Variants in LCLAT1 observed in about 807,000 individuals in gnomAD.
LCLAT1 encodes the protein lysocardiolipin acyltransferase 1, also known as 1-AGP acyltransferase 8.
LCLAT1 carries 11 observed loss-of-function variants against 30.7 expected under a neutral mutation model. The observed-to-expected ratio is 0.36, with a 90% CI of 0.23 to 0.59. The LOEUF is 0.59. Ranked by LOEUF, LCLAT1 falls within the 20% of genes least tolerant of loss-of-function variation. The pLI is 0.77. For missense variants in LCLAT1, 402 were observed against 458.6 expected (o/e 0.88, Z 1.13); for synonymous variants, 155 against 151.3 (o/e 1.02, Z -0.18).
At chr2:30,637,849 A>G (rs1447444046) in intron 5 of LCLAT1, among the ~76,000 whole-genome samples, 1 of 152,038 alleles carries the variant, frequency 6.6e-6, no homozygotes, top group African/African-American at 2.4e-5. Flanking sequence ...AAGTGCTGGG[A>G]TTACAGGTGT....
chr2:30,549,321 G>A (rs1470278378), intron 3 of LCLAT1, among the ~76,000 whole-genome samples: 1 of 152,170 alleles, frequency 6.6e-6, no homozygotes, highest in African/African-American at 2.4e-5. Flanking sequence ...GCGTTAGGCT[G>A]CTAGATATCC....
At chr2:30,501,084 G>A (rs1045650477) in intron 1 of LCLAT1, among the ~76,000 whole-genome samples, 1 of 103,130 alleles carries the variant, frequency 9.7e-6, no homozygotes, top group Admixed American at 8.5e-5. Flanking sequence ...TTCTGTGTGT[G>A]TGTGTGTGTG....
At chr2:30,600,317 G>A (rs2593440) in intron 5 of LCLAT1, among the ~76,000 whole-genome samples, 131,998 of 152,192 alleles carry the variant, frequency 0.87, 57,556 homozygotes, top group East Asian at 0.94. Flanking sequence ...GTTCTTTGAA[G>A]TCAATAAGAA....
At chr2:30,579,054 GTC>G (rs1270171183) in intron 5 of LCLAT1, among the ~76,000 whole-genome samples, 5 of 151,968 alleles carry the variant, frequency 3.3e-5, no homozygotes, top group African/African-American at 1.2e-4. Context: ...ATTAGAAAGG[GTC>G]TCTGTTGCCA....
intron 1 of LCLAT1, among the ~76,000 whole-genome samples, chr2:30,470,787 C>G (rs182105938): frequency 6.6e-6 from 1 of 152,242 alleles, no homozygotes; most frequent in Admixed American, 6.5e-5. Context: ...TTGGCTTTTC[C>G]ATTTCTGCAA....
chr2:30,589,528 C>T (rs1217794182), intron 5 of LCLAT1, among the ~76,000 whole-genome samples: 4 of 151,550 alleles, frequency 2.6e-5, no homozygotes, highest in Non-Finnish European at 4.4e-5. Flanking sequence ...CACTTGCCTA[C>T]TGAAAATGTA....
intron 5 of LCLAT1, among the ~76,000 whole-genome samples, chr2:30,618,097 T>C (rs1423858557): frequency 6.6e-6 from 1 of 152,198 alleles, no homozygotes; most frequent in Non-Finnish European, 1.5e-5. Flanking sequence ...CATCTGTTTC[T>C]AGACTCTGTT....
chr2:30,605,578 A>G (rs1667399257), intron 5 of LCLAT1, among the ~76,000 whole-genome samples: 1 of 152,224 alleles, frequency 6.6e-6, no homozygotes, highest in Non-Finnish European at 1.5e-5. Context: ...TTTCAGCCTA[A>G]AATGAATTTT....
chr2:30,479,368 C>G (rs1311487404), intron 1 of LCLAT1, among the ~76,000 whole-genome samples: 2 of 151,718 alleles, frequency 1.3e-5, no homozygotes, highest in African/African-American at 4.8e-5. Context: ...TAGTTGGGAC[C>G]ACAGGCTCAT....
chr2:30,504,198 C>G lies in LCLAT1; in HGVS notation c.-4-21389C>G, dbSNP rs144409495. Among the ~76,000 whole-genome samples, 510 of 151,998 alleles carry G rather than the reference C, an allele frequency of 3.4e-3. 3 individuals are homozygous for G. Among genetic ancestry groups the G allele is most frequent in the African/African-American group, 0.012 (491 of 41,404 alleles). ...CACATAATATGCATTACATATATAACATATTACATAACATAACATATATTA... is the reference window on the plus strand; with the variant it reads ...CACATAATATGCATTACATATATAAGATATTACATAACATAACATATATTA... On this transcript the variant is annotated intron_variant, in intron 1 of 5. Transcript: ENST00000379509.
intron 1 of LCLAT1, among the ~76,000 whole-genome samples, chr2:30,475,201 G>C (rs917297784): frequency 6.6e-6 from 1 of 151,544 alleles, no homozygotes; most frequent in East Asian, 2.0e-4. Context: ...GTCTCACTGT[G>C]TTGCCCAGGC....
At chr2:30,493,354 A>G (rs1683924419) in intron 1 of LCLAT1, among the ~76,000 whole-genome samples, 1 of 152,210 alleles carries the variant, frequency 6.6e-6, no homozygotes, top group Admixed American at 6.5e-5. Flanking sequence ...TTAAAAATAA[A>G]TTGGCAACTG....
intron 3 of LCLAT1, among the ~76,000 whole-genome samples, chr2:30,548,844 A>G (rs1292613276): frequency 6.6e-6 from 1 of 152,162 alleles, no homozygotes; most frequent in Admixed American, 6.5e-5. Flanking sequence ...GTAAGTCACA[A>G]TATACAGGGT....
chr2:30,578,862 G>A (rs1192455117), intron 5 of LCLAT1, among the ~76,000 whole-genome samples: 2 of 151,970 alleles, frequency 1.3e-5, no homozygotes, highest in East Asian at 3.9e-4. Flanking sequence ...ATTCACATTA[G>A]TGTCTTAATG....
intron 5 of LCLAT1, among the ~76,000 whole-genome samples, chr2:30,582,866 C>T (rs1666263109): frequency 6.6e-6 from 1 of 152,202 alleles, no homozygotes; most frequent in East Asian, 1.9e-4. Flanking sequence ...CCTGAGAATT[C>T]TCACCTTTTA....
intron 1 of LCLAT1, among the ~76,000 whole-genome samples, chr2:30,512,076 T>G (rs958651765): frequency 6.6e-6 from 1 of 152,222 alleles, no homozygotes; most frequent in Non-Finnish European, 1.5e-5. Flanking sequence ...GTTCTTTTTT[T>G]GGTTATTCTT....
intron 1 of LCLAT1, among the ~76,000 whole-genome samples, chr2:30,502,987 A>G (rs1410389869): frequency 6.6e-6 from 1 of 152,236 alleles, no homozygotes; most frequent in Non-Finnish European, 1.5e-5. Context: ...AGAGTAGGCA[A>G]CGTATGGTCT....
At chr2:30,593,932 A>C (rs1666805088) in intron 5 of LCLAT1, among the ~76,000 whole-genome samples, 2 of 151,714 alleles carry the variant, frequency 1.3e-5, no homozygotes, top group Admixed American at 1.3e-4. Context: ...CAAAAAAAAA[A>C]AAAAAAGACA....
intron 1 of LCLAT1, among the ~76,000 whole-genome samples, chr2:30,518,660 A>G (rs1288393239): frequency 1.3e-5 from 2 of 152,174 alleles, no homozygotes; most frequent in East Asian, 1.9e-4. Flanking sequence ...TTGTCCCTCT[A>G]TACCCAGCTG....
Sources: gnomAD v4.1 joint callset for allele counts (sites outside exome capture counted in the v4.1 genomes callset) on GRCh38, gnomAD v4.1.1 for gene constraint, MANE v1.5 for transcripts, NCBI Gene and HGNC (gene_info 2026-07-23, HGNC 2026-07-21) for gene names.